PPP1R16A: variants seen among roughly 807,000 people sequenced by gnomAD.
PPP1R16A encodes myosin phosphatase-targeting subunit 3.
Under a neutral mutation model 46.6 loss-of-function variants are expected in PPP1R16A, and 39 were observed. The observed-to-expected ratio is 0.84, with a 90% CI of 0.65 to 1.09. PPP1R16A has a LOEUF of 1.09. PPP1R16A is among the 50% of genes least tolerant of loss of function. The pLI is 0.00. For missense variants in PPP1R16A, 798 were observed against 735.6 expected (o/e 1.08, Z -0.98); for synonymous variants, 413 against 321.5 (o/e 1.28, Z -3.04).
Position 144,490,919 on chromosome 8 carries a change from C to T in PPP1R16A, c.-735+707C>T, listed in dbSNP as rs117126540. 9.9e-3 allele frequency among the ~76,000 whole-genome samples: 1,510 copies of T among 152,100 alleles called. 11 individuals carry two copies. Among genetic ancestry groups the T allele is most frequent in the Non-Finnish European group, 0.016 (1,076 of 67,974 alleles). ...ACAAAAAAGACAATAACAAATTAGC[C>T]GGGTGTGGTGGCGTGCACCTCCCCA... On this transcript the variant is annotated intron_variant, in intron 2 of 11. Coordinates refer to ENST00000435887, the MANE Select transcript of PPP1R16A (RefSeq NM_001329443.2).
Position 144,502,050 on chromosome 8 carries a change from C to T in PPP1R16A, c.*147C>T. On this transcript the variant is annotated 3_prime_UTR_variant, in exon 12 of 12. Transcript: ENST00000435887. ...GGCCCCTCTCAGGTCAGAAGACATG[C>T]CTGGAGGGATGTCTGGCTGCAAAGA... 2.7e-6 allele frequency: 2 copies of T among 738,850 alleles called. No homozygotes were observed. Among genetic ancestry groups the T allele is most frequent in the Non-Finnish European group, 4.1e-6 (2 of 483,222 alleles). 45.8% of individuals were successfully genotyped at this position (738,850 alleles called of 1,614,324 possible).
At chr8:144,498,703 C>CCGAA in intron 3 of PPP1R16A, 67 bp from the exon 4 acceptor site, 1 of 1,475,754 alleles carries the variant, frequency 6.8e-7, no homozygotes. Flanking sequence ...GGGTCCTGGG[C>CCGAA]CGAAGCACAG....
chr8:144,498,476 G>A (rs893645673), intron 3 of PPP1R16A: 9 of 446,048 alleles, frequency 2.0e-5, no homozygotes, highest in Non-Finnish European at 3.7e-5. Flanking sequence ...AGGGAGGTGT[G>A]GGATTGTTGG....
At chr8:144,481,519 C>T (rs1293599030) in intron 1 of PPP1R16A, among the ~76,000 whole-genome samples, 1 of 151,840 alleles carries the variant, frequency 6.6e-6, no homozygotes, top group African/African-American at 2.4e-5. Flanking sequence ...TGGCGCATGC[C>T]TGTAATTCCA....
chr8:144,483,147 C>G (rs1825504405), intron 1 of PPP1R16A, among the ~76,000 whole-genome samples: 1 of 152,176 alleles, frequency 6.6e-6, no homozygotes, highest in South Asian at 2.1e-4. Context: ...TGTTGTGTGG[C>G]TGACAGAGTT....
In PPP1R16A at chr8:144,501,657, G is replaced by C; in HGVS notation, c.1341G>C (p.Leu447=). 6.2e-7 allele frequency: 1 copy of C among 1,610,738 alleles called. No individual in the cohort carries two copies. Among genetic ancestry groups the C allele is most frequent in the Non-Finnish European group, 8.5e-7 (1 of 1,178,986 alleles). ...SPLDSTTPHT[L]VHDKAHHTLA... ...TGGACAGCACCACCCCCCACACCCT[G>C]GTCCACGACAAGGCCCACCACACCC... The change falls in exon 12 of 12, where the codon CTG becomes CTC. Residue 447 remains leucine, a synonymous_variant. Coordinates refer to ENST00000435887, the MANE Select transcript of PPP1R16A (RefSeq NM_001329443.2).
At position 144,477,996 on chromosome 8, in the gene PPP1R16A, C is replaced by A. The variant is rs1010282189; in HGVS notation, c.-1045C>A. On this transcript the variant is annotated 5_prime_UTR_variant, in exon 1 of 12. Coordinates refer to ENST00000435887, the MANE Select transcript of PPP1R16A (RefSeq NM_001329443.2). ...GGCTTCCGGCTATGGGTACCGCGGG[C>A]CGGAAGTGTAGCGTTGCCATGGCGA... 10 of 392,636 alleles carry A rather than the reference C, an allele frequency of 2.5e-5. No individual in the cohort carries two copies. In the South Asian group the frequency reaches 1.0e-3, roughly 40 times the overall value. The allele number at this position is 392,636 out of a possible 1,614,324, so 24.3% of individuals were successfully genotyped here. A position where few individuals can be genotyped will look rare whatever the true frequency, so the allele number is the denominator to read the frequency against.
Position 144,500,018 on chromosome 8 carries a change from G to C in PPP1R16A, c.477-78G>C, listed in dbSNP as rs1359286720. 3 of 1,465,128 alleles carry C rather than the reference G, an allele frequency of 2.0e-6. No individual in the cohort carries two copies. The African/African-American group carries it at 4.2e-5, about 20-fold the overall frequency. 90.8% of individuals were successfully genotyped at this position (1,465,128 alleles called of 1,614,324 possible). ...GGCAGCCCTGGGCTGAGGGGCCCTG[G>C]CGGGGACTTCTCCAAGTGAGGAGCC... On this transcript the variant is annotated intron_variant, in intron 5 of 11. Coordinates refer to ENST00000435887, the MANE Select transcript of PPP1R16A (RefSeq NM_001329443.2).
At chr8:144,500,635 G>A in intron 8 of PPP1R16A, 23 bp downstream of exon 8, 1 of 1,604,044 alleles carries the variant, frequency 6.2e-7, no homozygotes. Context: ...GGGAGCAGGT[G>A]GGAGGGGGCT....
chr8:144,491,502 A>G (rs891750304), intron 2 of PPP1R16A, among the ~76,000 whole-genome samples: 1 of 152,018 alleles, frequency 6.6e-6, no homozygotes, highest in Non-Finnish European at 1.5e-5. Context: ...GCTGGCTCAC[A>G]CCTGTAATCC....
At position 144,493,260 on chromosome 8, in the gene PPP1R16A, T is replaced by C. The variant is rs1055018781; in HGVS notation, c.-735+3048T>C. ...CTGGCCTGGGCTTTGAGGAGTGGAA[T>C]GAACCCACCGGGTTATCTGTTTAGA... On this transcript the variant is annotated intron_variant, in intron 2 of 11. Transcript: ENST00000435887. This position sits in a 1 kb window ranked among gnomAD's most constrained non-coding sequence, Gnocchi z 4.3. Among the ~76,000 whole-genome samples the C allele has an allele frequency of 1.3e-5, 2 of 152,094 alleles. No individual in the cohort carries two copies. The highest frequency in any genetic ancestry group is 4.8e-5 in the African/African-American group (2 of 41,434).
chr8:144,499,085 G>A, intron 5 of PPP1R16A, 24 bp downstream of exon 5: 8 of 1,553,262 alleles, frequency 5.2e-6, no homozygotes, highest in Non-Finnish European at 7.0e-6. Flanking sequence ...GGCGTCCTTG[G>A]CAGGGAGAGG....
Position 144,498,832 on chromosome 8 carries a change from C to T in PPP1R16A, c.322C>T (p.Leu108=), listed in dbSNP as rs750096544. 5 of 1,609,736 alleles carry T rather than the reference C, an allele frequency of 3.1e-6. No homozygotes were observed. The highest frequency in any genetic ancestry group is 1.7e-5 in the Admixed American group (1 of 59,926). The change falls in exon 4 of 12, where the codon CTG becomes TTG. Residue 108 remains leucine, a synonymous_variant. Transcript: ENST00000435887. Reference sequence around the variant, plus strand: ...GGCCAACGAGGACGGCCTGACGGCCCTGCACCAGGTCAGCCTGCACTGGGT... The same window carrying T: ...GGCCAACGAGGACGGCCTGACGGCCTTGCACCAGGTCAGCCTGCACTGGGT... ...DLANEDGLTA[L]HQCCIDDFRE...
chr8:144,486,822 G>A (rs905032367), intron 1 of PPP1R16A, among the ~76,000 whole-genome samples: 1 of 152,102 alleles, frequency 6.6e-6, no homozygotes, highest in Non-Finnish European at 1.5e-5. Flanking sequence ...TCCTCTCAGG[G>A]TTTTTAGCAA....
Position 144,500,942 on chromosome 8 carries a change from C to T in PPP1R16A, c.1008C>T (p.Arg336=). 1 of 1,501,110 alleles carries T rather than the reference C, an allele frequency of 6.7e-7. No homozygotes were observed. The highest frequency in any genetic ancestry group is 8.8e-7 in the Non-Finnish European group (1 of 1,131,374). 93.0% of individuals were successfully genotyped at this position (1,501,110 alleles called of 1,614,324 possible). A position where few individuals can be genotyped will look rare whatever the true frequency, so the allele number is the denominator to read the frequency against. The change falls in exon 10 of 12, where the codon CGC becomes CGT. Residue 336 remains arginine, a synonymous_variant. Transcript: ENST00000435887. ...AGAGCCGCCAGCGCTCCTTGCTGCG[C>T]CGCCGCACCTCCAGCGCCGGCAGCC... ...RAQSRQRSLL[R]RRTSSAGSRG...
chr8:144,498,840 G>T lies in PPP1R16A; in HGVS notation c.330G>T (p.Gln110His). ...AGGACGGCCTGACGGCCCTGCACCA[G>T]GTCAGCCTGCACTGGGTGTGGGCAG... ...ANEDGLTALHQCCIDDFREMV... is the reference protein window; with the variant it reads ...ANEDGLTALHHCCIDDFREMV... The change falls in exon 4 of 12, where the codon CAG (glutamine) becomes CAT (histidine). Residue 110 changes from glutamine to histidine, a missense_variant and splice_region_variant. Physicochemically the swap from Gln to His is conservative, Grantham distance 24. Coordinates refer to ENST00000435887, the MANE Select transcript of PPP1R16A (RefSeq NM_001329443.2). 6.2e-7 allele frequency: 1 copy of T among 1,610,766 alleles called. No individual in the cohort carries two copies.
In PPP1R16A at chr8:144,500,186, C is replaced by T. The variant is rs766782627; in HGVS notation, c.567C>T (p.Ala189=). 5.0e-6 allele frequency: 8 copies of T among 1,609,400 alleles called. No homozygotes were observed. Among genetic ancestry groups the T allele is most frequent in the Non-Finnish European group, 6.8e-6 (8 of 1,178,182 alleles). Reference sequence around the variant, plus strand: ...AGACGCTGGACTGCCTGGAGACTGCCATGGCCGACCGTGGTAGGTGCGGCG... The same window carrying T: ...AGACGCTGGACTGCCTGGAGACTGCTATGGCCGACCGTGGTAGGTGCGGCG... The part of the protein sequence containing the change: ...DEQTLDCLET[A]MADRGITQDS... The change falls in exon 6 of 12, where the codon GCC becomes GCT. Residue 189 remains alanine, a synonymous_variant. Coordinates refer to ENST00000435887, the MANE Select transcript of PPP1R16A (RefSeq NM_001329443.2).
rs1188567561 is a variant in PPP1R16A, at chr8:144,501,989, A to G, written c.*86A>G. 7.3e-7 allele frequency: 1 copy of G among 1,371,326 alleles called. No homozygotes were observed. The highest frequency in any genetic ancestry group is 9.6e-7 in the Non-Finnish European group (1 of 1,040,402). The allele number at this position is 1,371,326 out of a possible 1,614,324, so 84.9% of individuals were successfully genotyped here. ...GTGCGTGCCCTGGTGCTGCGGGTGC[A>G]GCACGGAAACCCCGGCTTCTACTGT... On this transcript the variant is annotated 3_prime_UTR_variant, in exon 12 of 12. Coordinates refer to ENST00000435887, the MANE Select transcript of PPP1R16A (RefSeq NM_001329443.2).
In PPP1R16A at chr8:144,497,276, A is replaced by C; in HGVS notation, c.82A>C (p.Lys28Gln). 1 of 1,611,208 alleles carries C rather than the reference A, an allele frequency of 6.2e-7. No individual in the cohort carries two copies. The highest frequency in any genetic ancestry group is 8.5e-7 in the Non-Finnish European group (1 of 1,179,304). Residue 28 changes from lysine (K) to glutamine (Q), a missense_variant, in exon 3 of 12, where the codon AAG (lysine) becomes CAG (glutamine). Transcript: ENST00000435887. Reference protein sequence around the residue: ...STQERLKHAQKRRAQQVKMWA... With the variant: ...STQERLKHAQQRRAQQVKMWA... ...ACAGGAGCGGCTGAAGCATGCCCAG[A>C]AGCGGCGCGCCCAGCAGGTGAAGAT...
Sources: allele counts gnomAD v4.1 joint callset (sites outside exome capture counted in the v4.1 genomes callset), GRCh38; gene constraint gnomAD v4.1.1; non-coding constraint Gnocchi (gnomAD v3.1); transcripts MANE v1.5; gene names NCBI Gene and HGNC (gene_info 2026-07-23, HGNC 2026-07-21).